HIVEP3: variants seen among roughly 807,000 people sequenced by gnomAD.
HIVEP3 encodes transcription factor HIVEP3.
In HIVEP3, 49 loss-of-function variants were observed where a neutral mutation model predicts 152.8. That is an observed-to-expected ratio of 0.32 (90% CI 0.26 to 0.41). HIVEP3 has a LOEUF of 0.41. Ranked by LOEUF, HIVEP3 falls within the 10% of genes least tolerant of loss-of-function variation. HIVEP3 has a pLI of 1.00. For synonymous variants in HIVEP3, 1,269 were observed against 1,289.0 expected (o/e 0.98, Z 0.33); for missense variants, 2,790 against 3,103.3 (o/e 0.90, Z 2.40).
chr1:41,640,221 G>A (rs910816562), intron 2 of HIVEP3, among the ~76,000 whole-genome samples: 29 of 144,762 alleles, frequency 2.0e-4, no homozygotes, highest in Admixed American at 1.9e-3. Context: ...AGGAACAGAC[G>A]AGACTGGAGG....
At position 41,728,538 on chromosome 1, in the gene HIVEP3, G is replaced by T. The variant is rs891607819; in HGVS notation, c.-800-27543C>A. Among the ~76,000 whole-genome samples, 4 of 152,290 alleles carry T rather than the reference G, an allele frequency of 2.6e-5. No homozygotes were observed. In the South Asian group the frequency reaches 8.3e-4, roughly 32 times the overall value. The stretch of plus-strand genomic sequence containing the variant: ...AGCATGAGCAAATGTGCAGGGGAGG[G>T]GCCAAAGGCGATATGCTTGGGATCT... On this transcript the variant is annotated intron_variant, in intron 1 of 8. Transcript: ENST00000372583.
intron 1 of HIVEP3, among the ~76,000 whole-genome samples, chr1:41,723,501 CCACACACACACA>C (rs35823066): frequency 6.8e-6 from 1 of 146,446 alleles, no homozygotes; most frequent in African/African-American, 2.5e-5. Flanking sequence ...CACACAGCCA[CCACACACACACA>C]CACACACACA....
chr1:41,890,052 G>A (rs563447063), intron 1 of HIVEP3, among the ~76,000 whole-genome samples: 4 of 152,318 alleles, frequency 2.6e-5, no homozygotes, highest in Non-Finnish European at 2.9e-5. Flanking sequence ...ATCCTGGCTC[G>A]GCCAATGACT....
At chr1:42,034,356 C>T (rs1256500930) in intron 1 of HIVEP3, among the ~76,000 whole-genome samples, 1 of 152,152 alleles carries the variant, frequency 6.6e-6, no homozygotes, top group Admixed American at 6.5e-5. Context: ...CTGTTTTTGC[C>T]ATGATAATAT....
intron 5 of HIVEP3, among the ~76,000 whole-genome samples, chr1:41,538,279 A>G (rs147901480): frequency 9.9e-5 from 15 of 152,098 alleles, no homozygotes; most frequent in African/African-American, 3.4e-4. Context: ...GGCTATTGTG[A>G]CTGTAGAGAG....
intron 5 of HIVEP3, among the ~76,000 whole-genome samples, chr1:41,570,861 T>C (rs1354300771): frequency 6.6e-6 from 1 of 152,204 alleles, no homozygotes; most frequent in African/African-American, 2.4e-5. Flanking sequence ...GGAGGAAAGA[T>C]ACGGAGGTGA....
chr1:41,702,334 T>C (rs1039725041), intron 1 of HIVEP3, among the ~76,000 whole-genome samples: 2 of 152,208 alleles, frequency 1.3e-5, no homozygotes, highest in Admixed American at 1.3e-4. Context: ...AGTTTCTACC[T>C]TATAATAGAG....
intron 2 of HIVEP3, among the ~76,000 whole-genome samples, chr1:41,695,227 G>C (rs2124116712): frequency 6.6e-6 from 1 of 152,278 alleles, no homozygotes; most frequent in South Asian, 2.1e-4. Context: ...GCGGGGTGTT[G>C]GTCTCCAGTA....
intron 1 of HIVEP3, among the ~76,000 whole-genome samples, chr1:41,771,396 G>T (rs1337412919): frequency 6.6e-6 from 1 of 152,144 alleles, no homozygotes; most frequent in African/African-American, 2.4e-5. Context: ...ATAATAATAG[G>T]AGAAAAGAAG....
chr1:41,988,042 C>G (rs1645334764), intron 1 of HIVEP3, among the ~76,000 whole-genome samples: 1 of 152,028 alleles, frequency 6.6e-6, no homozygotes, highest in Non-Finnish European at 1.5e-5. Context: ...GACACGGAGC[C>G]AAACCATATC....
intron 1 of HIVEP3, among the ~76,000 whole-genome samples, chr1:41,993,543 C>T (rs569687451): frequency 1.3e-4 from 20 of 152,182 alleles, no homozygotes; most frequent in Non-Finnish European, 2.4e-4. Flanking sequence ...CACTTATACA[C>T]TGTTGGTGGG....
chr1:41,903,430 T>C (rs1397316197), intron 1 of HIVEP3, among the ~76,000 whole-genome samples: 1 of 152,170 alleles, frequency 6.6e-6, no homozygotes, highest in Admixed American at 6.5e-5. Context: ...CAGGAGGTGA[T>C]GTGTGCAAGG....
At chr1:41,972,194 C>G (rs1645233699) in intron 1 of HIVEP3, among the ~76,000 whole-genome samples, 1 of 152,218 alleles carries the variant, frequency 6.6e-6, no homozygotes, top group South Asian at 2.1e-4. Flanking sequence ...ATTTATCCTT[C>G]AAAACCCAGC....
intron 5 of HIVEP3, among the ~76,000 whole-genome samples, chr1:41,526,627 T>TCCCACACCCTA (rs1553220261): frequency 1.3e-4 from 1 of 7,498 alleles, no homozygotes; most frequent in Non-Finnish European, 2.2e-4. Flanking sequence ...ACCTTCACCC[T>TCCCACACCCTA]CACACACACC....
In HIVEP3 at chr1:41,529,317, A is replaced by G. The variant is rs542102995; in HGVS notation, c.5208-4407T>C. ...CACCCTCACCATCACACATGCTCAC[A>G]CCTCCCCACACCCTCACATTCACAC... On this transcript the variant is annotated intron_variant, in intron 5 of 8. Coordinates refer to ENST00000372583, the MANE Select transcript of HIVEP3 (RefSeq NM_024503.5). Among the ~76,000 whole-genome samples, 55 of 84,638 alleles carry G rather than the reference A, an allele frequency of 6.5e-4. 1 individual carries two copies. Among genetic ancestry groups the G allele is most frequent in the African/African-American group, 2.7e-3 (55 of 20,170 alleles). 55.5% of individuals were successfully genotyped at this position (84,638 alleles called of 152,430 possible). A position where few individuals can be genotyped will look rare whatever the true frequency, so the allele number is the denominator to read the frequency against.
intron 1 of HIVEP3, among the ~76,000 whole-genome samples, chr1:41,702,102 G>A (rs1487051886): frequency 6.6e-6 from 1 of 152,088 alleles, no homozygotes; most frequent in East Asian, 1.9e-4. Flanking sequence ...GTTGTTACGA[G>A]GAGTAAATGA....
rs747291256 is a variant in HIVEP3, at chr1:41,582,452, G to A, written c.2346C>T (p.Ser782=). ...GFQPRTPKPG[S]GSESGKERRT... is the part of the protein sequence containing the mutation. Reference sequence around the variant, plus strand: ...TCCTCTCCTTCCCTGATTCTGAACCGGACCCTGGCTTGGGAGTCCTTGGCT... The same window carrying A: ...TCCTCTCCTTCCCTGATTCTGAACCAGACCCTGGCTTGGGAGTCCTTGGCT... Residue 782 remains serine, a synonymous_variant, in exon 4 of 9, where the codon TCC becomes TCT. Transcript: ENST00000372583. This position sits in a 1 kb window ranked among gnomAD's most constrained non-coding sequence, Gnocchi z 4.7. The A allele has an allele frequency of 9.3e-6, 15 of 1,614,028 alleles. No individual in the cohort carries two copies. The highest frequency in any genetic ancestry group is 2.7e-5 in the African/African-American group (2 of 75,032).
At chr1:42,026,670 A>T (rs1570900663) in intron 1 of HIVEP3, among the ~76,000 whole-genome samples, 1 of 151,700 alleles carries the variant, frequency 6.6e-6, no homozygotes, top group Non-Finnish European at 1.5e-5. Flanking sequence ...CAACCCAAAG[A>T]CTCTCTTCTT....
chr1:41,561,519 CTTT>C (rs35615986), intron 5 of HIVEP3, among the ~76,000 whole-genome samples: 1 of 146,966 alleles, frequency 6.8e-6, no homozygotes, highest in Non-Finnish European at 1.5e-5. Context: ...CCATATGTCA[CTTT>C]TTTTTTTTTT....
Sources: gnomAD v4.1 joint callset for allele counts (sites outside exome capture counted in the v4.1 genomes callset) on GRCh38, gnomAD v4.1.1 for gene constraint, Gnocchi (gnomAD v3.1) non-coding constraint, MANE v1.5 for transcripts, NCBI Gene and HGNC (gene_info 2026-07-23, HGNC 2026-07-21) for gene names.